The following ADD3 variants were observed in gnomAD, a reference collection of about 807,000 sequenced individuals.
ADD3 encodes gamma-adducin.
In ADD3, 25 loss-of-function variants were observed where a neutral mutation model predicts 80.2. The ratio of observed to expected loss-of-function variants is 0.31; its 90% CI spans 0.23 to 0.44. The LOEUF is 0.44. Among genes scored for constraint, ADD3 ranks in the 20% least tolerant of loss-of-function variants. The pLI is 1.00. For missense variants in ADD3, 829 were observed against 847.5 expected, an observed-to-expected ratio of 0.98 and a Z score of 0.27; for synonymous variants, 284 against 289.6, an observed-to-expected ratio of 0.98 and a Z score of 0.20.
intron 2 of ADD3, among the ~76,000 whole-genome samples, chr10:110,108,943 C>T (rs1470454702): frequency 6.6e-6 from 1 of 152,104 alleles, no homozygotes. Flanking sequence ...CGTATTTTCC[C>T]TCTTACTCTT....
At chr10:110,015,569 T>G (rs1852872486) in intron 1 of ADD3, among the ~76,000 whole-genome samples, 1 of 151,866 alleles carries the variant, frequency 6.6e-6, no homozygotes, top group Non-Finnish European at 1.5e-5. Context: ...GGAGACAGGG[T>G]TTTACCATGT....
At chr10:110,071,318 G>T (rs1844681602) in intron 1 of ADD3, among the ~76,000 whole-genome samples, 1 of 152,094 alleles carries the variant, frequency 6.6e-6, no homozygotes, top group African/African-American at 2.4e-5. Context: ...AAATAAAAAG[G>T]CTCTTTAGGT....
At chr10:110,016,650 C>T (rs1038182420) in intron 1 of ADD3, 3 of 152,106 alleles carry the variant, frequency 2.0e-5, no homozygotes, top group African/African-American at 4.8e-5. Flanking sequence ...TTGAATACTT[C>T]GATTGTTTTT....
In ADD3 at chr10:110,135,105, T is replaced by A. The variant is rs1201097467; in HGVS notation, c.*1487T>A. The A allele has an allele frequency of 6.6e-6, 1 of 152,226 alleles. No homozygotes were observed. Among genetic ancestry groups the A allele is most frequent in the African/African-American group, 2.4e-5 (1 of 41,402 alleles). The allele number at this position is 152,226 out of a possible 1,614,324, so 9.4% of individuals were successfully genotyped here. A position where few individuals can be genotyped will look rare whatever the true frequency, so the allele number is the denominator to read the frequency against. ...ATGCAAAAAATTACATTGATTACAG[T>A]GTGTTTTGGAGCTGGCTCTGTTTGT... On this transcript the variant is annotated 3_prime_UTR_variant, in exon 15 of 15. Coordinates refer to ENST00000356080, the MANE Select transcript of ADD3 (RefSeq NM_016824.5).
intron 12 of ADD3, among the ~76,000 whole-genome samples, chr10:110,127,247 A>T (rs919114361): frequency 6.6e-5 from 10 of 150,506 alleles, no homozygotes; most frequent in Non-Finnish European, 1.0e-4. Flanking sequence ...ACCCCTCCCT[A>T]CTCTCACCTT....
intron 2 of ADD3, among the ~76,000 whole-genome samples, chr10:110,105,747 T>A (rs778226044): frequency 6.6e-6 from 1 of 152,188 alleles, no homozygotes; most frequent in Non-Finnish European, 1.5e-5. Flanking sequence ...GGCATATACA[T>A]TTTAGGATAT....
intron 1 of ADD3, among the ~76,000 whole-genome samples, chr10:110,038,204 C>T (rs975468931): frequency 2.6e-5 from 4 of 151,982 alleles, no homozygotes; most frequent in African/African-American, 9.7e-5. Flanking sequence ...TTAACATCTC[C>T]AGAATTCAGT....
intron 1 of ADD3, among the ~76,000 whole-genome samples, chr10:110,077,643 C>T (rs963542206): frequency 7.2e-5 from 11 of 152,130 alleles, no homozygotes; most frequent in African/African-American, 2.7e-4. Flanking sequence ...CAGGCTGCAG[C>T]CCAAAGTTCT....
intron 1 of ADD3, among the ~76,000 whole-genome samples, chr10:110,022,512 A>AAT (rs1443677708): frequency 6.6e-6 from 1 of 152,116 alleles, no homozygotes; most frequent in South Asian, 2.1e-4. Context: ...TTTTATTTCA[A>AAT]ATATATATAT....
At chr10:110,098,117 G>A (rs1848389162) in intron 1 of ADD3, among the ~76,000 whole-genome samples, 1 of 152,084 alleles carries the variant, frequency 6.6e-6, no homozygotes, top group East Asian at 1.9e-4. Context: ...GAAGAGTACT[G>A]GCCAGTTGTT....
intron 1 of ADD3, among the ~76,000 whole-genome samples, chr10:110,026,983 A>G (rs901409772): frequency 6.6e-6 from 1 of 152,212 alleles, no homozygotes; most frequent in African/African-American, 2.4e-5. Flanking sequence ...GATGCTAACT[A>G]TACCTTTTCT....
intron 1 of ADD3, among the ~76,000 whole-genome samples, chr10:110,037,604 C>CAAAA (rs998064830): frequency 3.9e-5 from 2 of 51,112 alleles, no homozygotes; most frequent in Non-Finnish European, 8.4e-5. Flanking sequence ...GACTCAGTCT[C>CAAAA]AAAAAAAAAA....
chr10:110,042,654 CTTA>C, intron 1 of ADD3, among the ~76,000 whole-genome samples: 1 of 147,196 alleles, frequency 6.8e-6, no homozygotes, highest in Non-Finnish European at 1.5e-5. Flanking sequence ...TATTAATAGT[CTTA>C]TTATTGATAA....
intron 1 of ADD3, among the ~76,000 whole-genome samples, chr10:110,092,322 A>C (rs1381171967): frequency 6.6e-6 from 1 of 152,222 alleles, no homozygotes; most frequent in African/African-American, 2.4e-5. Flanking sequence ...AATCACCTAG[A>C]TGTCCATAAC....
chr10:109,998,757 C>T (rs996363019), intron 1 of ADD3, among the ~76,000 whole-genome samples: 4 of 152,050 alleles, frequency 2.6e-5, no homozygotes, highest in Admixed American at 6.6e-5. Flanking sequence ...CTCCAGCTGC[C>T]GACTACAGAT....
At chr10:110,130,266 C>A in intron 12 of ADD3, 97 bp from the exon 13 acceptor site, 1 of 1,242,674 alleles carries the variant, frequency 8.0e-7, no homozygotes, top group Non-Finnish European at 1.1e-6. Flanking sequence ...GCTTCACAAA[C>A]ATCATATTTG....
chr10:110,016,393 A>G (rs1852997759), intron 1 of ADD3: 1 of 152,246 alleles, frequency 6.6e-6, no homozygotes, highest in African/African-American at 2.4e-5. Context: ...CTAATTCAGT[A>G]CTTGTTGGAA....
At chr10:110,101,469 A>G (rs967525403) in intron 2 of ADD3, among the ~76,000 whole-genome samples, 1 of 152,046 alleles carries the variant, frequency 6.6e-6, no homozygotes, top group African/African-American at 2.4e-5. Flanking sequence ...CCTTGTCTCT[A>G]CAAAAAAATT....
intron 1 of ADD3, among the ~76,000 whole-genome samples, chr10:110,079,807 C>T (rs1845862479): frequency 6.6e-6 from 1 of 152,186 alleles, no homozygotes; most frequent in Non-Finnish European, 1.5e-5. Context: ...TCCCAAAGTG[C>T]TGGGATTGCA....
Sources: gnomAD v4.1 joint callset for allele counts (sites outside exome capture counted in the v4.1 genomes callset) on GRCh38, gnomAD v4.1.1 for gene constraint, MANE v1.5 for transcripts, NCBI Gene and HGNC (gene_info 2026-07-23, HGNC 2026-07-21) for gene names.